ASMT: variants seen among roughly 807,000 people sequenced by gnomAD.
The protein encoded by ASMT is acetylserotonin O-methyltransferase.
Under a neutral mutation model 41.3 loss-of-function variants are expected in ASMT, and 53 were observed. That is an observed-to-expected ratio of 1.28 (90% confidence interval 1.03 to 1.61). The LOEUF is 1.61. Ranked by LOEUF, ASMT falls within the 40% of genes most tolerant of loss-of-function variation. The pLI, the probability that ASMT is intolerant of heterozygous loss-of-function variation, is 0.00. For synonymous variants in ASMT, 231 were observed against 184.8 expected (o/e 1.25, Z -2.03); for missense variants, 531 against 441.3 (o/e 1.20, Z -1.82).
intron 5 of ASMT, among the ~76,000 whole-genome samples, chrX:1,632,383 G>T (rs1486061396): frequency 6.6e-6 from 1 of 152,072 alleles, no homozygotes; most frequent in African/African-American, 2.4e-5. Context: ...CGGGCGCGGT[G>T]GCTCACGCCT....
rs1934958608 is a variant in ASMT at position 1,636,262 on chromosome X, ATTTTC to A, written c.788-173_788-169del. 3.0e-6 allele frequency: 3 copies of A among 985,032 alleles called. No individual in the cohort carries two copies. In the South Asian group the frequency reaches 3.9e-5, roughly 13 times the overall value. The allele number at this position is 985,032 out of a possible 1,614,324, so 61.0% of individuals were successfully genotyped here. ...GTGAGCCACCGCGCCCGACCTCAGT[ATTTTC>A]TTATCTTTCTCCTAAGCCTTTTTGT... is the stretch of plus-strand genomic sequence containing the variant. On this transcript the variant is annotated intron_variant, in intron 7 of 8. Transcript: ENST00000381241.
At chrX:1,628,565 C>T (rs1331411563) in intron 4 of ASMT, among the ~76,000 whole-genome samples, 1 of 151,788 alleles carries the variant, frequency 6.6e-6, no homozygotes, top group African/African-American at 2.4e-5. Context: ...GAGTGGTTCG[C>T]CTGCCCCCCA....
intron 5 of ASMT, 92 bp downstream of exon 5, chrX:1,630,031 A>G: frequency 1.8e-6 from 2 of 1,136,500 alleles, no homozygotes; most frequent in South Asian, 1.2e-5. Context: ...CTGCATTCTG[A>G]TGCTTTGACA....
intron 8 of ASMT, among the ~76,000 whole-genome samples, chrX:1,641,740 G>C (rs1359803580): frequency 2.7e-5 from 4 of 149,144 alleles, no homozygotes; most frequent in African/African-American, 9.9e-5. Flanking sequence ...CCATCCTGGT[G>C]GTCCATGAGT....
In ASMT at chrX:1,633,167, G is replaced by A; in HGVS notation, c.664G>A (p.Ala222Thr). The A allele has an allele frequency of 1.2e-6, 2 of 1,613,886 alleles. No homozygotes were observed. Among genetic ancestry groups the A allele is most frequent in the Middle Eastern group, 3.3e-4 (2 of 6,056 alleles). Residue 222 changes from alanine to threonine, a missense_variant, in exon 7 of 9, where the codon GCT (alanine) becomes ACT (threonine). Physicochemically the swap from Ala to Thr is moderately conservative, Grantham distance 58. Transcript: ENST00000381241. The part of the protein sequence containing the change: ...FSLIGGAGAL[A>T]KECMSLYPGC... Reference sequence around the variant, plus strand: ...CCTTCCAGGTGGGGCTGGAGCTCTGGCTAAGGAATGCATGTCTCTGTACCC... The same window carrying A: ...CCTTCCAGGTGGGGCTGGAGCTCTGACTAAGGAATGCATGTCTCTGTACCC...
chrX:1,628,131 G>T, intron 4 of ASMT: 1 of 311,246 alleles, frequency 3.2e-6, no homozygotes, highest in Non-Finnish European at 6.1e-6. Flanking sequence ...GACCAGCCTG[G>T]CCAACAGGGT....
At chrX:1,623,783 G>A (rs1331377634) in intron 2 of ASMT, among the ~76,000 whole-genome samples, 6 of 151,766 alleles carry the variant, frequency 4.0e-5, no homozygotes, top group Admixed American at 6.6e-5. Context: ...GGCTGGTCTC[G>A]AGCTCCTGAC....
intron 1 of ASMT, among the ~76,000 whole-genome samples, chrX:1,619,729 A>C: frequency 6.6e-6 from 1 of 152,018 alleles, no homozygotes; most frequent in South Asian, 2.1e-4. Flanking sequence ...AAGAACAATT[A>C]ATTGAGACAA....
rs1370945669 is a variant in ASMT, at chrX:1,633,769, G to C, written c.787+479G>C. Among the ~76,000 whole-genome samples the C allele has an allele frequency of 3.9e-5, 6 of 151,992 alleles. No individual in the cohort carries two copies. In the Middle Eastern group the frequency reaches 0.014, roughly 345 times the overall value. On this transcript the variant is annotated intron_variant, in intron 7 of 8. Transcript: ENST00000381241. ...TTCTCCTGCCTCAGCCTCCCAAGTA[G>C]CTGGGACTACAGGCACCCACCACCA...
At chrX:1,625,615 G>A (rs1173269597) in intron 3 of ASMT, among the ~76,000 whole-genome samples, 1 of 141,676 alleles carries the variant, frequency 7.1e-6, no homozygotes, top group Non-Finnish European at 1.5e-5. Context: ...AGAGAAGGAA[G>A]GAAAGAAAGA....
intron 1 of ASMT, among the ~76,000 whole-genome samples, chrX:1,615,561 G>C (rs1934053689): frequency 6.6e-6 from 1 of 152,052 alleles, no homozygotes; most frequent in Non-Finnish European, 1.5e-5. Flanking sequence ...CCAGCACTTT[G>C]GGAGGCTGAG....
At chrX:1,627,905 C>A in intron 4 of ASMT, 134 bp downstream of exon 4, 1 of 866,482 alleles carries the variant, frequency 1.2e-6, no homozygotes, top group Admixed American at 1.9e-5. Context: ...AATAACATCC[C>A]CTATCCCCAC....
intron 6 of ASMT, 107 bp downstream of exon 6, chrX:1,632,894 G>A (rs1363944689): frequency 1.5e-5 from 9 of 583,268 alleles, no homozygotes; most frequent in Middle Eastern, 4.6e-4. Context: ...AGAGCACTAG[G>A]ACAAATACCT....
At chrX:1,630,227 G>T (rs1479528596) in intron 5 of ASMT, among the ~76,000 whole-genome samples, 1 of 151,278 alleles carries the variant, frequency 6.6e-6, no homozygotes, top group Non-Finnish European at 1.5e-5. Flanking sequence ...TTTGCCTCCT[G>T]GGTTCAAGCG....
intron 1 of ASMT, among the ~76,000 whole-genome samples, chrX:1,619,635 C>G (rs1363050363): frequency 6.7e-6 from 1 of 148,986 alleles, no homozygotes; most frequent in Non-Finnish European, 1.5e-5. Flanking sequence ...GTTAGCGTAC[C>G]CTTAACAGAA....
chrX:1,636,121 A>C (rs1934951548), intron 7 of ASMT: 2 of 367,916 alleles, frequency 5.4e-6, no homozygotes, highest in Admixed American at 3.7e-5. Context: ...ACGCCCGGCT[A>C]ATTTTTTTTG....
chrX:1,635,770 G>A (rs1192041204), intron 7 of ASMT, among the ~76,000 whole-genome samples: 1 of 151,790 alleles, frequency 6.6e-6, no homozygotes, highest in African/African-American at 2.4e-5. Flanking sequence ...GCTGAGGCAG[G>A]AGAATCGCTT....
intron 1 of ASMT, among the ~76,000 whole-genome samples, chrX:1,618,397 C>T (rs1285037276): frequency 6.6e-6 from 1 of 151,888 alleles, no homozygotes; most frequent in Non-Finnish European, 1.5e-5. Flanking sequence ...CTCCTGACCT[C>T]GGGCGATCTG....
chrX:1,628,678 C>G lies in ASMT; in HGVS notation c.443+907C>G, dbSNP rs754077364. 2.0e-5 allele frequency among the ~76,000 whole-genome samples: 3 copies of G among 149,592 alleles called. No individual in the cohort carries two copies. The East Asian group carries it at 6.0e-4, about 30-fold the overall frequency. On this transcript the variant is annotated intron_variant, in intron 4 of 8. Transcript: ENST00000381241. The stretch of plus-strand genomic sequence containing the variant: ...CTCCTCTCTTTCTCTCCTTTTCCTT[C>G]TCTTCTCTTCTCTCCTCTCTTTTCC...
Sources: allele counts gnomAD v4.1 joint callset (sites outside exome capture counted in the v4.1 genomes callset), GRCh38; gene constraint gnomAD v4.1.1; transcripts MANE v1.5; gene names NCBI Gene and HGNC (gene_info 2026-07-23, HGNC 2026-07-21).